The following BIVM variants were observed in gnomAD, a reference collection of about 807,000 sequenced individuals.
BIVM encodes the protein basic, immunoglobulin-like variable motif containing.
In BIVM, 31 loss-of-function variants were observed where a neutral mutation model predicts 61.4. The observed-to-expected ratio is 0.51, with a 90% CI of 0.38 to 0.68. BIVM has a LOEUF of 0.68. BIVM is among the 30% of genes least tolerant of loss of function. BIVM has a pLI of 0.00. For synonymous variants in BIVM, 189 were observed against 210.7 expected (o/e 0.90, Z 0.89); for missense variants, 526 against 596.0 (o/e 0.88, Z 1.22).
intron 7 of BIVM, 146 bp downstream of exon 7, chr13:102,822,305 C>A (rs1300723310): frequency 2.8e-6 from 2 of 717,122 alleles, no homozygotes; most frequent in Non-Finnish European, 4.4e-6. Flanking sequence ...CTGTTACTTG[C>A]ATGTAATCTG....
intron 3 of BIVM, among the ~76,000 whole-genome samples, chr13:102,813,469 T>A (rs533326434): frequency 6.6e-6 from 1 of 152,342 alleles, no homozygotes; most frequent in African/African-American, 2.4e-5. Context: ...TGAGATTTGC[T>A]ATATTTTTCA....
At chr13:102,836,264 C>T (rs1480819009) in intron 9 of BIVM, among the ~76,000 whole-genome samples, 5 of 152,048 alleles carry the variant, frequency 3.3e-5, no homozygotes, top group Admixed American at 1.3e-4. Context: ...AAGATGCTTT[C>T]CTGTTTTTTT....
intron 2 of BIVM, among the ~76,000 whole-genome samples, chr13:102,806,386 A>C (rs1399612373): frequency 6.6e-6 from 1 of 151,926 alleles, no homozygotes; most frequent in Non-Finnish European, 1.5e-5. Flanking sequence ...AGTAGCTGGG[A>C]CTACAGGCAT....
Position 102,807,665 on chromosome 13 carries a change from G to A in BIVM, c.398G>A (p.Ser133Asn). 1 of 1,614,086 alleles carries A rather than the reference G, an allele frequency of 6.2e-7. No individual in the cohort carries two copies. Among genetic ancestry groups the A allele is most frequent in the Admixed American group, 1.7e-5 (1 of 60,016 alleles). The change falls in exon 3 of 11, where the codon AGC (serine) becomes AAC (asparagine). Residue 133 changes from serine (S) to asparagine (N), a missense_variant. Around this residue, in one of 3 missense-constraint regions of BIVM, gnomAD observed 312 missense variants for 343.8 expected, o/e 0.91. Coordinates refer to ENST00000257336, the MANE Select transcript of BIVM (RefSeq NM_017693.4). This position sits in a 1 kb window ranked among gnomAD's most constrained non-coding sequence, Gnocchi z 4.0. The stretch of plus-strand genomic sequence containing the variant: ...AATAGCTTGGAAAACTTATCCAACA[G>A]CCTGGGCAAGCTACCTCTCGCATGG... ...EENSLENLSNSLGKLPLAWEI... is the reference protein window; with the variant it reads ...EENSLENLSNNLGKLPLAWEI...
intron 3 of BIVM, among the ~76,000 whole-genome samples, chr13:102,814,350 CG>C (rs1047551392): frequency 1.3e-5 from 2 of 151,998 alleles, no homozygotes; most frequent in African/African-American, 2.4e-5. Context: ...TGTGGCAGTG[CG>C]GGCATTTTAT....
At chr13:102,810,114 A>G (rs1189823349) in intron 3 of BIVM, among the ~76,000 whole-genome samples, 1 of 152,108 alleles carries the variant, frequency 6.6e-6, no homozygotes, top group Non-Finnish European at 1.5e-5. Flanking sequence ...CCCATTAAAC[A>G]ATAAATCCTC....
chr13:102,818,292 A>G (rs1595345524), intron 4 of BIVM, among the ~76,000 whole-genome samples: 1 of 152,238 alleles, frequency 6.6e-6, no homozygotes, highest in South Asian at 2.1e-4. Context: ...GAAGAGTCAG[A>G]CTCAACATTC....
At chr13:102,809,946 C>T (rs1445606472) in intron 3 of BIVM, among the ~76,000 whole-genome samples, 1 of 152,094 alleles carries the variant, frequency 6.6e-6, no homozygotes, top group African/African-American at 2.4e-5. Context: ...TCACCGTGCC[C>T]GGCTACTTTT....
chr13:102,827,785 C>G (rs1450558307), intron 7 of BIVM, among the ~76,000 whole-genome samples: 1 of 152,068 alleles, frequency 6.6e-6, no homozygotes, highest in Non-Finnish European at 1.5e-5. Flanking sequence ...GATATGATGC[C>G]CACGACATTA....
In BIVM at chr13:102,839,683, C is replaced by T; in HGVS notation, c.1330C>T (p.His444Tyr). The T allele has an allele frequency of 6.2e-7, 1 of 1,614,210 alleles. No homozygotes were observed. The highest frequency in any genetic ancestry group is 8.5e-7 in the Non-Finnish European group (1 of 1,180,038). Reference sequence around the variant, plus strand: ...TAGACAAGAATCACAACCTCCAACACATGCCCAGGGAATTGCCAAATCTGA... The same window carrying T: ...TAGACAAGAATCACAACCTCCAACATATGCCCAGGGAATTGCCAAATCTGA... The part of the protein sequence containing the change: ...TIRQESQPPT[H>Y]AQGIAKSESE... Residue 444 changes from histidine (H) to tyrosine (Y), a missense_variant, in exon 11 of 11, where the codon CAT becomes TAT. Transcript: ENST00000257336.
chr13:102,833,881 C>T (rs1223737631), intron 8 of BIVM, among the ~76,000 whole-genome samples: 1 of 152,182 alleles, frequency 6.6e-6, no homozygotes, highest in Non-Finnish European at 1.5e-5. Context: ...TGATTTCATC[C>T]TGCAGCTTCA....
chr13:102,803,875 C>A (rs1878899781), intron 1 of BIVM, among the ~76,000 whole-genome samples: 1 of 152,120 alleles, frequency 6.6e-6, no homozygotes, highest in Non-Finnish European at 1.5e-5. Flanking sequence ...CTCTGTCTTC[C>A]AAAAAGACAA....
chr13:102,810,658 A>G (rs930187252), intron 3 of BIVM, among the ~76,000 whole-genome samples: 9 of 152,258 alleles, frequency 5.9e-5, no homozygotes, highest in Non-Finnish European at 1.2e-4. Flanking sequence ...ATTTTTATGT[A>G]TTAATCTCTT....
chr13:102,836,493 T>C (rs913941898), intron 9 of BIVM, among the ~76,000 whole-genome samples: 1 of 152,156 alleles, frequency 6.6e-6, no homozygotes, highest in Non-Finnish European at 1.5e-5. Context: ...TAAAACTTTT[T>C]TGTAGAGACA....
chr13:102,816,388 A>G (rs774521588), intron 3 of BIVM, 40 bp from the exon 4 acceptor site: 7 of 1,493,382 alleles, frequency 4.7e-6, no homozygotes, highest in African/African-American at 1.5e-5. Flanking sequence ...AGTTTACTTC[A>G]TCTTAAGCAT....
intron 3 of BIVM, among the ~76,000 whole-genome samples, chr13:102,813,865 G>C (rs1879670428): frequency 6.6e-6 from 1 of 151,996 alleles, no homozygotes; most frequent in Admixed American, 6.6e-5. Flanking sequence ...TCCAAGGTTT[G>C]GGCCAAATTT....
chr13:102,834,601 C>T (rs955045433), intron 9 of BIVM, 49 bp downstream of exon 9: 3 of 1,502,704 alleles, frequency 2.0e-6, no homozygotes, highest in Non-Finnish European at 2.7e-6. Flanking sequence ...CATTTAGATA[C>T]AGTGAAATGC....
chr13:102,823,376 G>A (rs566331621), intron 7 of BIVM, among the ~76,000 whole-genome samples: 1 of 152,312 alleles, frequency 6.6e-6, no homozygotes, highest in African/African-American at 2.4e-5. Context: ...CCTTGAACAA[G>A]TCACTTGCTG....
intron 3 of BIVM, among the ~76,000 whole-genome samples, chr13:102,816,199 T>C (rs539431830): frequency 9.2e-5 from 14 of 152,212 alleles, no homozygotes; most frequent in Admixed American, 1.3e-4. Context: ...TTATTATTTC[T>C]CTTTAAGGTA....
Sources: gnomAD v4.1 joint callset for allele counts (sites outside exome capture counted in the v4.1 genomes callset) on GRCh38, gnomAD v4.1.1 for gene constraint, gnomAD v4.1.1 regional missense constraint, Gnocchi (gnomAD v3.1) non-coding constraint, MANE v1.5 for transcripts, NCBI Gene and HGNC (gene_info 2026-07-23, HGNC 2026-07-21) for gene names.